Variants in FRRS1L observed in about 807,000 individuals in gnomAD.
FRRS1L encodes DOMON domain-containing protein FRRS1L.
In FRRS1L, 22 loss-of-function variants were observed where a neutral mutation model predicts 28.6. The ratio of observed to expected loss-of-function variants is 0.77; its 90% CI spans 0.55 to 1.10. The LOEUF is 1.10. FRRS1L is among the 50% of genes least tolerant of loss of function. The pLI is 0.00. For synonymous variants in FRRS1L, 158 were observed against 151.4 expected (o/e 1.04, Z -0.32); for missense variants, 380 against 386.9 (o/e 0.98, Z 0.15).
intron 3 of FRRS1L, among the ~76,000 whole-genome samples, chr9:109,144,678 T>G (rs1831231198): frequency 1.6e-5 from 1 of 63,268 alleles, no homozygotes; most frequent in Admixed American, 1.8e-4. Context: ...TAGTGCTATT[T>G]TCTTTTTCTT....
intron 2 of FRRS1L, 71 bp downstream of exon 2, chr9:109,149,565 C>T (rs1230233596): frequency 4.7e-5 from 48 of 1,020,162 alleles, no homozygotes; most frequent in Non-Finnish European, 6.1e-5. Context: ...GAACTGCATG[C>T]AATTTAAATA....
At chr9:109,143,271 T>C (rs945446072) in intron 3 of FRRS1L, among the ~76,000 whole-genome samples, 1 of 152,100 alleles carries the variant, frequency 6.6e-6, no homozygotes, top group African/African-American at 2.4e-5. Flanking sequence ...GCCGAAATAG[T>C]GCCACTGAAC....
intron 2 of FRRS1L, 24 bp downstream of exon 2, chr9:109,149,612 T>G (rs369387661): frequency 6.3e-5 from 96 of 1,524,604 alleles, no homozygotes; most frequent in Non-Finnish European, 8.1e-5. Context: ...GCCTTAAAGT[T>G]ATCCAACCTG....
intron 1 of FRRS1L, among the ~76,000 whole-genome samples, chr9:109,154,012 C>T (rs1831372218): frequency 6.6e-6 from 1 of 151,900 alleles, no homozygotes; most frequent in Non-Finnish European, 1.5e-5. Context: ...AGGACTGTTC[C>T]TTCCTGTGTG....
At chr9:109,157,077 G>T (rs981745599) in intron 1 of FRRS1L, among the ~76,000 whole-genome samples, 4 of 152,090 alleles carry the variant, frequency 2.6e-5, no homozygotes, top group African/African-American at 9.7e-5. Flanking sequence ...TGCTTTGATG[G>T]TCATTATATG....
At chr9:109,166,080 C>G (rs1424461884) in intron 1 of FRRS1L, among the ~76,000 whole-genome samples, 1 of 152,230 alleles carries the variant, frequency 6.6e-6, no homozygotes, top group Non-Finnish European at 1.5e-5. Context: ...GATATGAGCT[C>G]CTGGGACTCA....
chr9:109,152,430 G>A (rs1055044513), intron 1 of FRRS1L, among the ~76,000 whole-genome samples: 2 of 151,994 alleles, frequency 1.3e-5, no homozygotes, highest in African/African-American at 2.4e-5. Flanking sequence ...TTACAGGCAT[G>A]AGCCACTGCG....
At chr9:109,144,319 G>A (rs1195335424) in intron 3 of FRRS1L, among the ~76,000 whole-genome samples, 5 of 152,074 alleles carry the variant, frequency 3.3e-5, no homozygotes, top group Non-Finnish European at 7.4e-5. Context: ...CTTTTCCTAC[G>A]ACACACCTAC....
At chr9:109,141,666 C>T in intron 3 of FRRS1L, 77 bp from the exon 4 acceptor site, 1 of 1,445,464 alleles carries the variant, frequency 6.9e-7, no homozygotes, top group Non-Finnish European at 9.4e-7. Flanking sequence ...AATATACATT[C>T]CATCATCTCT....
chr9:109,140,859 A>G (rs539172649), intron 4 of FRRS1L: 1 of 157,082 alleles, frequency 6.4e-6, no homozygotes, highest in Admixed American at 6.1e-5. Flanking sequence ...TTTTATATTT[A>G]CAGCATAGGA....
At chr9:109,165,915 G>C (rs1250775734) in intron 1 of FRRS1L, among the ~76,000 whole-genome samples, 1 of 152,218 alleles carries the variant, frequency 6.6e-6, no homozygotes, top group Non-Finnish European at 1.5e-5. Flanking sequence ...AGGATCCAGA[G>C]ACACTGGTGA....
intron 1 of FRRS1L, among the ~76,000 whole-genome samples, chr9:109,155,388 T>C (rs981947046): frequency 3.2e-4 from 48 of 152,322 alleles, no homozygotes; most frequent in African/African-American, 1.1e-3. Flanking sequence ...AACATGGACG[T>C]ACCTTGATTA....
rs966859709 is a variant in FRRS1L at position 109,143,492 on chromosome 9, A to T, written c.463-1903T>A. 4.7e-5 allele frequency among the ~76,000 whole-genome samples: 7 copies of T among 148,258 alleles called. 1 individual carries two copies. The South Asian group carries it at 1.1e-3, about 23-fold the overall frequency. ...AAAACGTAAAGTCTAATTAAAACAC[A>T]CACACACGCACACAATAATGCACCT... On this transcript the variant is annotated intron_variant, in intron 3 of 4. Transcript: ENST00000561981.
At chr9:109,147,975 CT>C (rs948557973) in intron 2 of FRRS1L, 172 of 141,696 alleles carry the variant, frequency 1.2e-3, no homozygotes, top group Non-Finnish European at 1.1e-3. Context: ...ATTTTTTTTT[CT>C]TTTTTTTTTT....
chr9:109,153,401 G>A (rs1831361413), intron 1 of FRRS1L, among the ~76,000 whole-genome samples: 1 of 152,162 alleles, frequency 6.6e-6, no homozygotes, highest in African/African-American at 2.4e-5. Context: ...GCAGCTTCCT[G>A]GTTGAACACA....
At chr9:109,164,780 G>T (rs139157270) in intron 1 of FRRS1L, among the ~76,000 whole-genome samples, 2 of 152,168 alleles carry the variant, frequency 1.3e-5, no homozygotes, top group African/African-American at 4.8e-5. Flanking sequence ...AGAATGGTGG[G>T]GGCGCGAAGC....
chr9:109,147,737 G>C (rs1369860312), intron 2 of FRRS1L: 1 of 152,636 alleles, frequency 6.6e-6, no homozygotes, highest in Non-Finnish European at 1.5e-5. Flanking sequence ...AACAGATAAT[G>C]GGGCTTTACT....
chr9:109,139,391 C>T (rs998920864), intron 4 of FRRS1L: 2 of 151,996 alleles, frequency 1.3e-5, no homozygotes, highest in East Asian at 3.9e-4. Flanking sequence ...GCTAGTCTGC[C>T]ATATATGTAA....
Position 109,165,124 on chromosome 9 carries a change from G to C in FRRS1L, c.238+1777C>G, listed in dbSNP as rs181462100. On this transcript the variant is annotated intron_variant, in intron 1 of 4. Transcript: ENST00000561981. ...AGCACTAGGCTGTGTACAGTGTAAA[G>C]ATACATTAGATGCTTTCAGAAACAG... 2.7e-4 allele frequency among the ~76,000 whole-genome samples: 41 copies of C among 152,334 alleles called. No homozygotes were observed. The East Asian group carries it at 4.2e-3, about 16-fold the overall frequency.
Sources: gnomAD v4.1 joint callset for allele counts (sites outside exome capture counted in the v4.1 genomes callset) on GRCh38, gnomAD v4.1.1 for gene constraint, MANE v1.5 for transcripts, NCBI Gene and HGNC (gene_info 2026-07-23, HGNC 2026-07-21) for gene names.